QTMAN: variants seen among roughly 807,000 people sequenced by gnomAD.
QTMAN encodes queuosine-tRNA mannosyltransferase, also known as tRNA-queuosine alpha-mannosyltransferase.
the QTMAN span, among the ~76,000 whole-genome samples, chr2:144,312,683 T>C: frequency 6.6e-6 from 1 of 152,300 alleles, no homozygotes; most frequent in Admixed American, 6.5e-5. Flanking sequence ...AATCCCCAGG[T>C]GTCAAGGGAG....
At chr2:143,978,617 G>A in the QTMAN span, among the ~76,000 whole-genome samples, 2 of 152,156 alleles carry the variant, frequency 1.3e-5, no homozygotes, top group Admixed American at 6.5e-5. Context: ...GTCTTAAGAC[G>A]AATTGAGTCT....
chr2:144,171,397 T>C, the QTMAN span, among the ~76,000 whole-genome samples: 2 of 152,212 alleles, frequency 1.3e-5, no homozygotes, highest in Non-Finnish European at 2.9e-5. Flanking sequence ...TTGTTTCTAA[T>C]GCTTCACAAC....
the QTMAN span, among the ~76,000 whole-genome samples, chr2:144,036,817 T>G: frequency 6.6e-6 from 1 of 152,164 alleles, no homozygotes; most frequent in Non-Finnish European, 1.5e-5. Context: ...GGAATTTTTT[T>G]GGGGGTAATC....
At chr2:144,147,286 G>T in the QTMAN span, among the ~76,000 whole-genome samples, 2 of 150,842 alleles carry the variant, frequency 1.3e-5, no homozygotes, top group Admixed American at 6.6e-5. Flanking sequence ...TCTTACCAAG[G>T]AGATGCACTT....
At chr2:144,294,813 A>G in the QTMAN span, among the ~76,000 whole-genome samples, 1 of 152,152 alleles carries the variant, frequency 6.6e-6, no homozygotes, top group Non-Finnish European at 1.5e-5. Flanking sequence ...AGAACTCTCC[A>G]TTGCTTAAAA....
the QTMAN span, among the ~76,000 whole-genome samples, chr2:144,026,524 C>A: frequency 4.1e-3 from 623 of 152,146 alleles, 1 homozygote; most frequent in Non-Finnish European, 6.8e-3. Context: ...AAAGACAACC[C>A]ACAAGACTGT....
the QTMAN span, among the ~76,000 whole-genome samples, chr2:144,093,482 C>A: frequency 6.6e-6 from 1 of 152,162 alleles, no homozygotes; most frequent in African/African-American, 2.4e-5. Flanking sequence ...AAGTTAAGTG[C>A]AACCAAGTAA....
At chr2:144,298,397 C>A in the QTMAN span, among the ~76,000 whole-genome samples, 1 of 152,048 alleles carries the variant, frequency 6.6e-6, no homozygotes, top group Non-Finnish European at 1.5e-5. Context: ...CATCCCACTG[C>A]CCAAAAGAGT....
the QTMAN span, among the ~76,000 whole-genome samples, chr2:144,286,462 G>A: frequency 6.6e-6 from 1 of 152,138 alleles, no homozygotes; most frequent in African/African-American, 2.4e-5. Flanking sequence ...TAATGCCTTT[G>A]ACTTTGGGTT....
the QTMAN span, among the ~76,000 whole-genome samples, chr2:144,181,289 T>G: frequency 6.6e-6 from 1 of 152,218 alleles, no homozygotes; most frequent in Non-Finnish European, 1.5e-5. Flanking sequence ...TTTAATAAAT[T>G]AAAGACAACT....
the QTMAN span, among the ~76,000 whole-genome samples, chr2:143,951,792 G>T: frequency 6.6e-6 from 1 of 151,484 alleles, no homozygotes; most frequent in African/African-American, 2.4e-5. Flanking sequence ...TTAAGTGCAC[G>T]TATTTCATAA....
the QTMAN span, among the ~76,000 whole-genome samples, chr2:143,985,994 A>G: frequency 6.6e-6 from 1 of 152,154 alleles, no homozygotes; most frequent in Non-Finnish European, 1.5e-5. Context: ...CATTTATAGT[A>G]CCAGTAAGTA....
chr2:144,080,028 C>T, the QTMAN span, among the ~76,000 whole-genome samples: 8 of 152,032 alleles, frequency 5.3e-5, no homozygotes, highest in African/African-American at 1.9e-4. Context: ...TTTATGATGT[C>T]ATTCTTACAT....
At chr2:143,953,908 T>C in the QTMAN span, among the ~76,000 whole-genome samples, 2 of 151,944 alleles carry the variant, frequency 1.3e-5, no homozygotes, top group East Asian at 3.8e-4. Context: ...TGTTTTTAAG[T>C]GGCTGATGTT....
At chr2:144,001,800 T>C in the QTMAN span, among the ~76,000 whole-genome samples, 1 of 151,802 alleles carries the variant, frequency 6.6e-6, no homozygotes, top group African/African-American at 2.4e-5. Flanking sequence ...TAAACACTTG[T>C]TCACTGTCAA....
At chr2:144,138,216 A>G in the QTMAN span, among the ~76,000 whole-genome samples, 1 of 152,092 alleles carries the variant, frequency 6.6e-6, no homozygotes, top group African/African-American at 2.4e-5. Context: ...TGCTGCTGCT[A>G]TGGTAAATAA....
At chr2:144,254,779 A>G in the QTMAN span, among the ~76,000 whole-genome samples, 1 of 152,226 alleles carries the variant, frequency 6.6e-6, no homozygotes, top group East Asian at 1.9e-4. Flanking sequence ...CTGCAAAGCC[A>G]CAGGGGCAGA....
the QTMAN span, among the ~76,000 whole-genome samples, chr2:144,046,887 G>T: frequency 3.9e-5 from 6 of 152,294 alleles, no homozygotes; most frequent in East Asian, 1.2e-3. Context: ...AAAACCACAT[G>T]TGGAGTATTG....
At chr2:144,132,467 T>C in the QTMAN span, among the ~76,000 whole-genome samples, 2 of 152,212 alleles carry the variant, frequency 1.3e-5, no homozygotes, top group South Asian at 2.1e-4. Context: ...CTAGAATTAC[T>C]TCTGTACTGA....
Sources: allele counts gnomAD v4.1 joint callset (sites outside exome capture counted in the v4.1 genomes callset), GRCh38; gene constraint gnomAD v4.1.1; transcripts MANE v1.5; gene names NCBI Gene and HGNC (gene_info 2026-07-23, HGNC 2026-07-21).